The following KCTD8 variants were observed in gnomAD, a reference collection of about 807,000 sequenced individuals.
KCTD8 encodes the protein potassium channel tetramerization domain containing 8, also known as BTB/POZ domain-containing protein KCTD8.
In KCTD8, 27 loss-of-function variants were observed where a neutral mutation model predicts 31.5. The observed-to-expected ratio is 0.86, with a 90% CI of 0.63 to 1.18. The LOEUF (loss-of-function observed/expected upper bound fraction) is 1.18, where lower values mean the gene tolerates loss of function less well. Ranked by LOEUF, KCTD8 falls within the 50% of genes most tolerant of loss-of-function variation. The pLI, the probability that KCTD8 is intolerant of heterozygous loss-of-function variation, is 0.00. For missense variants in KCTD8, 658 were observed against 647.7 expected (o/e 1.02, Z -0.17); for synonymous variants, 290 against 280.0 (o/e 1.04, Z -0.36).
intron 1 of KCTD8, among the ~76,000 whole-genome samples, chr4:44,339,093 G>A (rs907723754): frequency 6.6e-6 from 1 of 152,118 alleles, no homozygotes; most frequent in Non-Finnish European, 1.5e-5. Context: ...TTGTAATATG[G>A]TTGCCTTCTT....
intron 1 of KCTD8, among the ~76,000 whole-genome samples, chr4:44,232,692 T>TA (rs758879488): frequency 2.8e-4 from 42 of 152,146 alleles, no homozygotes; most frequent in Non-Finnish European, 3.1e-4. Flanking sequence ...GCTAGCTTAA[T>TA]AAAAAATCAT....
At chr4:44,270,897 T>G (rs1336429078) in intron 1 of KCTD8, among the ~76,000 whole-genome samples, 1 of 152,140 alleles carries the variant, frequency 6.6e-6, no homozygotes, top group Non-Finnish European at 1.5e-5. Flanking sequence ...TAGCATTTCT[T>G]TTTACCAAAG....
intron 1 of KCTD8, among the ~76,000 whole-genome samples, chr4:44,218,345 G>T (rs1006786883): frequency 1.3e-5 from 2 of 151,130 alleles, no homozygotes; most frequent in African/African-American, 2.4e-5. Context: ...CATTGGCCAG[G>T]CTGGTCTCGA....
At chr4:44,417,780 A>G (rs1023029892) in intron 1 of KCTD8, among the ~76,000 whole-genome samples, 4 of 152,128 alleles carry the variant, frequency 2.6e-5, no homozygotes, top group Admixed American at 6.5e-5. Context: ...CCTGTGTGCC[A>G]TTTTCCACAT....
intron 1 of KCTD8, among the ~76,000 whole-genome samples, chr4:44,438,722 A>C (rs1355860450): frequency 1.3e-5 from 2 of 152,212 alleles, no homozygotes; most frequent in Non-Finnish European, 2.9e-5. Context: ...ACTTCCTTAA[A>C]AAGAAAAAGA....
At chr4:44,215,212 G>T (rs1714613320) in intron 1 of KCTD8, among the ~76,000 whole-genome samples, 2 of 152,072 alleles carry the variant, frequency 1.3e-5, no homozygotes, top group Non-Finnish European at 2.9e-5. Context: ...CTAGCTCTGT[G>T]TGAATTAAAG....
At chr4:44,382,000 A>T (rs1165447186) in intron 1 of KCTD8, among the ~76,000 whole-genome samples, 1 of 152,132 alleles carries the variant, frequency 6.6e-6, no homozygotes, top group Non-Finnish European at 1.5e-5. Flanking sequence ...ATAATGATAA[A>T]GGGATAAATT....
intron 1 of KCTD8, among the ~76,000 whole-genome samples, chr4:44,325,167 C>T (rs7693662): frequency 0.031 from 4,702 of 151,976 alleles, 270 homozygotes; most frequent in African/African-American, 0.1. Flanking sequence ...CTAGCCACAG[C>T]TATTTCTTTG....
intron 1 of KCTD8, among the ~76,000 whole-genome samples, chr4:44,351,505 T>A (rs551313142): frequency 2.0e-5 from 3 of 152,100 alleles, no homozygotes; most frequent in Non-Finnish European, 4.4e-5. Flanking sequence ...ATTATCTTTG[T>A]CATTGGTTTT....
At chr4:44,223,297 A>AT (rs1714860127) in intron 1 of KCTD8, among the ~76,000 whole-genome samples, 1 of 152,142 alleles carries the variant, frequency 6.6e-6, no homozygotes, top group East Asian at 1.9e-4. Flanking sequence ...GGAAGATCAT[A>AT]TTTTGGGGTG....
At position 44,448,450 on chromosome 4, in the gene KCTD8, G is replaced by A. The variant is rs773335254; in HGVS notation, c.74C>T (p.Ser25Leu). The change falls in exon 1 of 2, where the codon TCG becomes TTG. Residue 25 changes from serine to leucine, a missense_variant. Coordinates refer to ENST00000360029, the MANE Select transcript of KCTD8 (RefSeq NM_198353.3). This position sits in a 1 kb window ranked among gnomAD's most constrained non-coding sequence, Gnocchi z 4.1. ...GGCGGCGGCGGCCGACGCGCCGGGC[G>A]AGCTGGACGAGGAAACCATCTCGCT... ...PISEMVSSSSSPGASAAAAPG... is the reference protein window; with the variant it reads ...PISEMVSSSSLPGASAAAAPG... The A allele has an allele frequency of 2.6e-6, 4 of 1,546,516 alleles. No individual in the cohort carries two copies. Among genetic ancestry groups the A allele is most frequent in the Non-Finnish European group, 8.7e-7 (1 of 1,154,502 alleles).
intron 1 of KCTD8, among the ~76,000 whole-genome samples, chr4:44,303,264 C>T (rs1577604061): frequency 6.6e-6 from 1 of 152,072 alleles, no homozygotes; most frequent in African/African-American, 2.4e-5. Context: ...CCCTCTTTTT[C>T]TATTGATTGG....
intron 1 of KCTD8, among the ~76,000 whole-genome samples, chr4:44,433,340 A>G (rs1721560200): frequency 6.6e-6 from 1 of 151,718 alleles, no homozygotes; most frequent in Non-Finnish European, 1.5e-5. Context: ...TGGAGATAAG[A>G]GTATAAACTT....
intron 1 of KCTD8, among the ~76,000 whole-genome samples, chr4:44,407,940 G>T (rs1181995438): frequency 6.6e-6 from 1 of 152,110 alleles, no homozygotes; most frequent in African/African-American, 2.4e-5. Context: ...TACACAAGGA[G>T]TACCCTCCCA....
intron 1 of KCTD8, among the ~76,000 whole-genome samples, chr4:44,303,971 A>G (rs1347374733): frequency 6.6e-6 from 1 of 152,184 alleles, no homozygotes; most frequent in African/African-American, 2.4e-5. Flanking sequence ...TTACAAATCA[A>G]TAATGTCTCA....
intron 1 of KCTD8, among the ~76,000 whole-genome samples, chr4:44,317,528 C>T (rs1002387958): frequency 1.4e-5 from 2 of 140,914 alleles, no homozygotes; most frequent in Non-Finnish European, 2.9e-5. Context: ...CGTGAGCCAC[C>T]GCGCCCGGCC....
At chr4:44,316,794 C>CAAAAAAAAAA (rs767073470) in intron 1 of KCTD8, among the ~76,000 whole-genome samples, 1 of 9,854 alleles carries the variant, frequency 1.0e-4, no homozygotes, top group Non-Finnish European at 2.4e-4. Flanking sequence ...ACTAAAAATA[C>CAAAAAAAAAA]GAAAAAAAAA....
chr4:44,390,088 T>G lies in KCTD8; in HGVS notation c.961+57475A>C, dbSNP rs1446514035. ...AGATTCTCTCCAAATCTGTGGGTTGTCTGTTACTCTGCTAATTGTTTATTT... is the reference window on the plus strand; with the variant it reads ...AGATTCTCTCCAAATCTGTGGGTTGGCTGTTACTCTGCTAATTGTTTATTT... On this transcript the variant is annotated intron_variant, in intron 1 of 1. Transcript: ENST00000360029. Among the ~76,000 whole-genome samples, 6 of 152,212 alleles carry G rather than the reference T, an allele frequency of 3.9e-5. No homozygotes were observed. In the South Asian group the frequency reaches 1.0e-3, roughly 26 times the overall value.
At chr4:44,341,740 C>T (rs1283732821) in intron 1 of KCTD8, among the ~76,000 whole-genome samples, 3 of 152,144 alleles carry the variant, frequency 2.0e-5, no homozygotes, top group African/African-American at 4.8e-5. Context: ...AAGTTTTGAA[C>T]CCTACAAAGA....
Sources: allele counts gnomAD v4.1 joint callset (sites outside exome capture counted in the v4.1 genomes callset), GRCh38; gene constraint gnomAD v4.1.1; non-coding constraint Gnocchi (gnomAD v3.1); transcripts MANE v1.5; gene names NCBI Gene and HGNC (gene_info 2026-07-23, HGNC 2026-07-21).